Variants in DCAF6 observed in about 807,000 individuals in gnomAD.
The protein encoded by DCAF6 is DDB1- and CUL4-associated factor 6.
DCAF6 carries 54 observed loss-of-function variants against 125.1 expected under a neutral mutation model. The observed-to-expected ratio is 0.43, with a 90% CI of 0.35 to 0.54. The LOEUF (loss-of-function observed/expected upper bound fraction) is 0.54. Ranked by LOEUF, DCAF6 falls within the 20% of genes least tolerant of loss-of-function variation. DCAF6 has a pLI of 0.01. For synonymous variants in DCAF6, 371 were observed against 390.4 expected (o/e 0.95, Z 0.58); for missense variants, 934 against 1,161.7 (o/e 0.80, Z 2.85).
intron 17 of DCAF6, among the ~76,000 whole-genome samples, chr1:168,062,846 G>A (rs916932902): frequency 2.6e-5 from 4 of 151,294 alleles, no homozygotes; most frequent in African/African-American, 7.3e-5. Flanking sequence ...TTCTAAATTC[G>A]TAATATGGAG....
rs114751730 is a variant in DCAF6, at chr1:168,065,439, C to G, written c.2440-151C>G. The G allele has an allele frequency of 1.6e-3, 1,099 of 670,054 alleles. 8 individuals are homozygous for G. The African/African-American group carries it at 0.017, about 11-fold the overall frequency. 41.5% of individuals were successfully genotyped at this position (670,054 alleles called of 1,614,324 possible). A position where few individuals can be genotyped will look rare whatever the true frequency, so the allele number is the denominator to read the frequency against. ...CTGGGATTACAGGTGTGAGCCACTG[C>G]GCCCAGCATCAATTTTTAATTTTAC... On this transcript the variant is annotated intron_variant, in intron 18 of 21. Transcript: ENST00000367840.
intron 21 of DCAF6, among the ~76,000 whole-genome samples, chr1:168,072,187 C>A (rs1693131866): frequency 6.8e-6 from 1 of 147,272 alleles, no homozygotes; most frequent in Non-Finnish European, 1.5e-5. Flanking sequence ...GTCCCAGCTA[C>A]TTGGGAGGCT....
chr1:167,893,696 A>C, the DCAF6 span, among the ~76,000 whole-genome samples: 705 of 33,136 alleles, frequency 0.021, 1 homozygote, highest in African/African-American at 0.11. Context: ...ACTCTGTCTC[A>C]AAAAAAAAAA....
the DCAF6 span, among the ~76,000 whole-genome samples, chr1:167,909,090 G>A: frequency 6.6e-6 from 1 of 152,078 alleles, no homozygotes; most frequent in African/African-American, 2.4e-5. Flanking sequence ...TTCCCTGAAG[G>A]TAACCTTTCT....
rs575138831 is a variant in DCAF6, at chr1:167,945,365, T to G, written c.98-6435T>G. 4.6e-5 allele frequency among the ~76,000 whole-genome samples: 7 copies of G among 152,344 alleles called. No individual in the cohort carries two copies. The East Asian group carries it at 1.3e-3, about 29-fold the overall frequency. Reference sequence around the variant, plus strand: ...TGAATATCCAGTGATCATGGGATGTTTTTCCATTTGTGTCATGTATAATTT... The same window carrying G: ...TGAATATCCAGTGATCATGGGATGTGTTTCCATTTGTGTCATGTATAATTT... On this transcript the variant is annotated intron_variant, in intron 1 of 21. Coordinates refer to ENST00000367840, the MANE Select transcript of DCAF6 (RefSeq NM_001198956.2).
intron 13 of DCAF6, among the ~76,000 whole-genome samples, chr1:168,038,725 A>G (rs1194551059): frequency 6.6e-6 from 1 of 152,090 alleles, no homozygotes; most frequent in Admixed American, 6.6e-5. Flanking sequence ...AACTTTCCAG[A>G]TGATGCCGGT....
chr1:168,049,790 G>A lies in DCAF6; in HGVS notation c.2259-1102G>A, dbSNP rs560709137. On this transcript the variant is annotated intron_variant, in intron 16 of 21. Coordinates refer to ENST00000367840, the MANE Select transcript of DCAF6 (RefSeq NM_001198956.2). Reference sequence around the variant, plus strand: ...CCTGCCTCAGCCTCCCAAGTAGCTGGGACTACAGGCGCCTGCCACCACGCC... The same window carrying A: ...CCTGCCTCAGCCTCCCAAGTAGCTGAGACTACAGGCGCCTGCCACCACGCC... Among the ~76,000 whole-genome samples, 6 of 150,498 alleles carry A rather than the reference G, an allele frequency of 4.0e-5. No individual in the cohort carries two copies. In the East Asian group the frequency reaches 1.2e-3, roughly 29 times the overall value.
the DCAF6 span, chr1:167,875,292 A>G: frequency 2.6e-6 from 3 of 1,132,482 alleles, no homozygotes; most frequent in African/African-American, 3.1e-5. Flanking sequence ...TCAATTGCTA[A>G]CAAGAGTCTA....
chr1:168,010,443 A>G (rs1327271192), intron 10 of DCAF6, among the ~76,000 whole-genome samples: 1 of 152,056 alleles, frequency 6.6e-6, no homozygotes, highest in African/African-American at 2.4e-5. Context: ...TTAGGAAGGT[A>G]AGTAGACTGA....
chr1:167,883,494 G>C, the DCAF6 span: 1 of 1,614,126 alleles, frequency 6.2e-7, no homozygotes, highest in Non-Finnish European at 8.5e-7. Flanking sequence ...GGACAGAAGT[G>C]ATGTGCATAT....
intron 1 of DCAF6, among the ~76,000 whole-genome samples, chr1:167,937,746 A>T (rs529831750): frequency 1.3e-5 from 2 of 149,678 alleles, no homozygotes; most frequent in Admixed American, 6.7e-5. Flanking sequence ...TTTGCATAAC[A>T]TTTTTTTTTT....
chr1:167,975,395 A>G lies in DCAF6; in HGVS notation c.438+380A>G, dbSNP rs186169353. ...AAAGTCATAGCCAACATGCTTATCA[A>G]ATTTTTGTAGGATAGAAGGGACTCC... On this transcript the variant is annotated intron_variant, in intron 4 of 21. Transcript: ENST00000367840. Among the ~76,000 whole-genome samples, 58 of 152,322 alleles carry G rather than the reference A, an allele frequency of 3.8e-4. 1 individual carries two copies. The East Asian group carries it at 0.011, about 29-fold the overall frequency.
chr1:167,957,660 C>G (rs534345819), intron 2 of DCAF6, among the ~76,000 whole-genome samples: 2 of 152,172 alleles, frequency 1.3e-5, no homozygotes, highest in South Asian at 2.1e-4. Context: ...TGCAGAATTG[C>G]TAGGTCATAT....
chr1:167,958,666 A>G (rs868214859), intron 2 of DCAF6, among the ~76,000 whole-genome samples: 1 of 152,194 alleles, frequency 6.6e-6, no homozygotes, highest in Non-Finnish European at 1.5e-5. Context: ...TTTCATTGTA[A>G]AATATCAGAA....
intron 12 of DCAF6, among the ~76,000 whole-genome samples, chr1:168,035,638 G>A (rs533393234): frequency 1.6e-4 from 24 of 152,192 alleles, no homozygotes; most frequent in African/African-American, 5.8e-4. Flanking sequence ...TTTACACAAG[G>A]CTGATGAATT....
intron 4 of DCAF6, among the ~76,000 whole-genome samples, chr1:167,975,482 A>C (rs1179109327): frequency 6.6e-6 from 1 of 152,210 alleles, no homozygotes; most frequent in Non-Finnish European, 1.5e-5. Flanking sequence ...AGCTGAATTA[A>C]ATAAGGTGGA....
intron 4 of DCAF6, among the ~76,000 whole-genome samples, chr1:167,976,445 C>G (rs900082367): frequency 5.3e-5 from 8 of 152,166 alleles, no homozygotes; most frequent in African/African-American, 1.7e-4. Flanking sequence ...GTACTCCAAC[C>G]TGGGCGACAG....
upstream of DCAF6, among the ~76,000 whole-genome samples, chr1:167,934,652 T>C (rs1426331273): frequency 1.3e-5 from 2 of 152,348 alleles, no homozygotes; most frequent in East Asian, 3.9e-4. Context: ...AGCTGGTTCA[T>C]AATCAGATAA....
At chr1:167,880,656 T>A in the DCAF6 span, 1 of 1,416,902 alleles carries the variant, frequency 7.1e-7, no homozygotes. Flanking sequence ...CAGTGTGCTT[T>A]AAACTGGACT....
Sources: allele counts gnomAD v4.1 joint callset (sites outside exome capture counted in the v4.1 genomes callset), GRCh38; gene constraint gnomAD v4.1.1; transcripts MANE v1.5; gene names NCBI Gene and HGNC (gene_info 2026-07-23, HGNC 2026-07-21).